ROBO2: variants seen among roughly 807,000 people sequenced by gnomAD.
ROBO2 encodes roundabout homolog 2.
In ROBO2, 53 loss-of-function variants were observed where a neutral mutation model predicts 160.8. The observed-to-expected ratio is 0.33, with a 90% CI of 0.26 to 0.41. ROBO2 has a LOEUF of 0.41. Ranked by LOEUF, ROBO2 falls within the 10% of genes least tolerant of loss-of-function variation. The pLI is 1.00. For synonymous variants in ROBO2, 664 were observed against 611.7 expected, an observed-to-expected ratio of 1.09 and a Z score of -1.26; for missense variants, 1,577 against 1,722.4, an observed-to-expected ratio of 0.92 and a Z score of 1.49.
chr3:77,376,059 C>T (rs1430508102), intron 2 of ROBO2, among the ~76,000 whole-genome samples: 1 of 151,988 alleles, frequency 6.6e-6, no homozygotes, highest in Non-Finnish European at 1.5e-5. Flanking sequence ...AGGAAATATC[C>T]CTAAGGAATA....
intron 2 of ROBO2, among the ~76,000 whole-genome samples, chr3:76,292,977 A>G (rs538579089): frequency 6.8e-6 from 1 of 147,084 alleles, no homozygotes; most frequent in Non-Finnish European, 1.5e-5. Flanking sequence ...TTTTTTTTTT[A>G]AATATAGTGC....
At chr3:76,060,278 A>G (rs557475516) in intron 2 of ROBO2, among the ~76,000 whole-genome samples, 5 of 144,940 alleles carry the variant, frequency 3.4e-5, no homozygotes, top group East Asian at 4.0e-4. Context: ...ATTTTCACAC[A>G]GAGACCTGAT....
intron 2 of ROBO2, among the ~76,000 whole-genome samples, chr3:76,146,445 T>C (rs1403772938): frequency 6.6e-6 from 1 of 151,922 alleles, no homozygotes; most frequent in Non-Finnish European, 1.5e-5. Context: ...TCCTTTTTCC[T>C]CTCTATGTCT....
upstream of ROBO2, among the ~76,000 whole-genome samples, chr3:77,038,314 CTT>C (rs1226060506): frequency 6.6e-6 from 1 of 152,194 alleles, no homozygotes. Flanking sequence ...AGAAATTACT[CTT>C]AATGCTTTAC....
At chr3:77,515,783 C>T (rs1202613856) in intron 5 of ROBO2, among the ~76,000 whole-genome samples, 1 of 151,652 alleles carries the variant, frequency 6.6e-6, no homozygotes, top group African/African-American at 2.4e-5. Flanking sequence ...CGCCAGAAGA[C>T]TTAGATTCCA....
At chr3:75,948,449 G>T (rs1315092543) in intron 2 of ROBO2, among the ~76,000 whole-genome samples, 2 of 152,024 alleles carry the variant, frequency 1.3e-5, no homozygotes, top group African/African-American at 2.4e-5. Context: ...ATTTATGTGT[G>T]TATGGGAAGT....
chr3:77,348,620 A>G (rs913508821), intron 2 of ROBO2, among the ~76,000 whole-genome samples: 1 of 152,164 alleles, frequency 6.6e-6, no homozygotes, highest in Admixed American at 6.5e-5. Context: ...TCTTGTTCAC[A>G]CGCCTCTGAC....
chr3:77,302,634 C>T (rs1233556675), intron 2 of ROBO2, among the ~76,000 whole-genome samples: 1 of 152,158 alleles, frequency 6.6e-6, no homozygotes, highest in Non-Finnish European at 1.5e-5. Context: ...TCTTATTTAA[C>T]ATGTTCCAGC....
intron 2 of ROBO2, among the ~76,000 whole-genome samples, chr3:77,407,621 G>A (rs2076357068): frequency 6.6e-6 from 1 of 152,200 alleles, no homozygotes; most frequent in African/African-American, 2.4e-5. Context: ...TTATGTATCA[G>A]GAGTTAATTA....
chr3:76,888,634 A>G (rs1003016830), intron 2 of ROBO2, among the ~76,000 whole-genome samples: 1 of 152,210 alleles, frequency 6.6e-6, no homozygotes, highest in Non-Finnish European at 1.5e-5. Context: ...TGTGTTATCT[A>G]GGTTGTGTTT....
Position 75,924,681 on chromosome 3 carries a change from C to CTTTTTTTTTTTTTTTT in ROBO2, c.-13-12791_-13-12776dup, listed in dbSNP as rs60599175. 2.9e-4 allele frequency among the ~76,000 whole-genome samples: 19 copies of CTTTTTTTTTTTTTTTT among 66,016 alleles called. 1 individual carries two copies. The highest frequency in any genetic ancestry group is 3.2e-4 in the Non-Finnish European group (13 of 40,640). The allele number at this position is 66,016 out of a possible 152,430, so 43.3% of individuals were successfully genotyped here. On this transcript the variant is annotated intron_variant, in intron 1 of 26. Coordinates refer to the ROBO2 transcript ENST00000487694. ...AATTATTGGGAATTTATTTTCTTTT[C>CTTTTTTTTTTTTTTTT]TTTTTTTTTTTTTTTTTTTTTTTTG...
At chr3:76,951,800 T>C (rs2078972549) in intron 2 of ROBO2, among the ~76,000 whole-genome samples, 1 of 152,166 alleles carries the variant, frequency 6.6e-6, no homozygotes, top group Admixed American at 6.6e-5. Context: ...GCTCCAAAAA[T>C]TCTCCCTGCT....
At chr3:76,269,688 C>T (rs1707313945) in intron 2 of ROBO2, among the ~76,000 whole-genome samples, 1 of 151,820 alleles carries the variant, frequency 6.6e-6, no homozygotes, top group Non-Finnish European at 1.5e-5. Flanking sequence ...TAATTATAAC[C>T]TCCCTTACAT....
At chr3:76,036,136 A>G (rs907609453) in intron 2 of ROBO2, among the ~76,000 whole-genome samples, 7 of 151,670 alleles carry the variant, frequency 4.6e-5, no homozygotes, top group African/African-American at 1.7e-4. Context: ...GTGCATTTGG[A>G]GGTTAGAAAG....
At chr3:76,756,566 A>C (rs1276578602) in intron 2 of ROBO2, among the ~76,000 whole-genome samples, 1 of 151,934 alleles carries the variant, frequency 6.6e-6, no homozygotes, top group Non-Finnish European at 1.5e-5. Context: ...GATCAAAAGG[A>C]AAATATGCAG....
At position 77,417,667 on chromosome 3, in the gene ROBO2, C is replaced by T. The variant is rs80140763; in HGVS notation, c.389-59747C>T. 2.1e-3 allele frequency among the ~76,000 whole-genome samples: 326 copies of T among 152,182 alleles called. 3 individuals are homozygous for T. In the East Asian group the frequency reaches 0.038, roughly 18 times the overall value. ...AATATACTGTAAAAACTTTAAAAAT[C>T]AGTAAACTTATTTTTTAACAAACTA... On this transcript the variant is annotated intron_variant, in intron 2 of 25. Transcript: ENST00000461745.
At chr3:76,278,090 C>G (rs144831372) in intron 2 of ROBO2, among the ~76,000 whole-genome samples, 1,603 of 151,874 alleles carry the variant, frequency 0.011, 20 homozygotes, top group African/African-American at 0.034. Flanking sequence ...TCAGGCTCTT[C>G]ATTCTAATTA....
chr3:76,675,422 C>T (rs976953980), intron 2 of ROBO2, among the ~76,000 whole-genome samples: 14 of 120,292 alleles, frequency 1.2e-4, no homozygotes, highest in African/African-American at 4.2e-4. Flanking sequence ...TGATTTTCTC[C>T]CCAGGGGGGA....
At chr3:77,073,355 G>T (rs752913625) in intron 1 of ROBO2, among the ~76,000 whole-genome samples, 6 of 152,124 alleles carry the variant, frequency 3.9e-5, no homozygotes, top group Non-Finnish European at 7.4e-5. Flanking sequence ...AAAGCATATT[G>T]TTTCTTAAGT....
Sources: gnomAD v4.1 joint callset for allele counts (sites outside exome capture counted in the v4.1 genomes callset) on GRCh38, gnomAD v4.1.1 for gene constraint, MANE v1.5 for transcripts, NCBI Gene and HGNC (gene_info 2026-07-23, HGNC 2026-07-21) for gene names.